The following LNPEP variants were observed in gnomAD, a reference collection of about 807,000 sequenced individuals.
The protein encoded by LNPEP is leucyl and cystinyl aminopeptidase.
LNPEP carries 64 observed loss-of-function variants against 120.6 expected under a neutral mutation model. The observed-to-expected ratio is 0.53, with a 90% CI of 0.43 to 0.65. LNPEP has a LOEUF of 0.65. Ranked by LOEUF, LNPEP falls within the 30% of genes least tolerant of loss-of-function variation. The probability of loss-of-function intolerance (pLI) is 0.00; values close to 1 mark genes in which losing one functional copy is unlikely to be tolerated. For synonymous variants in LNPEP, 435 were observed against 425.4 expected, an observed-to-expected ratio of 1.02 and a Z score of -0.28; for missense variants, 1,057 against 1,200.0, an observed-to-expected ratio of 0.88 and a Z score of 1.76.
rs1790251463 is a variant in LNPEP, at chr5:96,986,671, G to T, written c.1131+1G>T. ...GAGTCAGGACGTAAATGGAACCCTG[G>T]TATGTTGATGTGGTAATTGTCTGAA... On this transcript the variant is annotated splice_donor_variant, in intron 4 of 17. Transcript: ENST00000231368. LOFTEE classifies it high-confidence loss of function. The T allele has an allele frequency of 6.2e-7, 1 of 1,612,958 alleles. No homozygotes were observed. The highest frequency in any genetic ancestry group is 1.1e-5 in the South Asian group (1 of 91,006).
chr5:97,006,122 T>G lies in LNPEP; in HGVS notation c.1835T>G (p.Leu612Arg), dbSNP rs746613270. The G allele has an allele frequency of 1.3e-6, 2 of 1,593,054 alleles. No individual in the cohort carries two copies. The highest frequency in any genetic ancestry group is 2.3e-5 in the East Asian group (1 of 44,080). Residue 612 changes from leucine to arginine, a missense_variant, in exon 10 of 18, where the codon CTG (leucine) becomes CGG (arginine). Leu to Arg is a moderately radical substitution (Grantham distance 102). Coordinates refer to ENST00000231368, the MANE Select transcript of LNPEP (RefSeq NM_005575.3). Reference protein sequence around the residue: ...DVKRMMKTWTLQKGFPLVTVQ... With the variant: ...DVKRMMKTWTRQKGFPLVTVQ... ...AAGAGAATGATGAAAACCTGGACCC[T>G]GCAGAAAGGATTTCCTTTAGTGACT...
intron 1 of LNPEP, among the ~76,000 whole-genome samples, chr5:96,955,113 C>CA (rs1789431726): frequency 6.6e-6 from 1 of 151,520 alleles, no homozygotes. Context: ...TAAAGCAAAA[C>CA]AAAAAATGAC....
chr5:96,974,436 T>C lies in LNPEP; in HGVS notation c.20-4702T>C, dbSNP rs145834285. Among the ~76,000 whole-genome samples the C allele has an allele frequency of 2.3e-3, 345 of 152,302 alleles. 2 individuals are homozygous for C. The highest frequency in any genetic ancestry group is 8.0e-3 in the African/African-American group (334 of 41,582). ...ACACTCTCCCTGTCCCTCTGGATGC[T>C]ACGCCAGCATTTTCCCTCCCCTACT... On this transcript the variant is annotated intron_variant, in intron 1 of 17. Coordinates refer to ENST00000231368, the MANE Select transcript of LNPEP (RefSeq NM_005575.3).
At chr5:97,027,702 TC>T in intron 16 of LNPEP, 30 bp from the exon 17 acceptor site, 12 of 1,387,486 alleles carry the variant, frequency 8.6e-6, no homozygotes, top group South Asian at 1.2e-5. Flanking sequence ...AGCTGCCTAA[TC>T]TTTTTGCTCT....
At chr5:96,951,625 A>G (rs1789327241) in intron 1 of LNPEP, among the ~76,000 whole-genome samples, 2 of 152,216 alleles carry the variant, frequency 1.3e-5, no homozygotes, top group Admixed American at 6.5e-5. Flanking sequence ...CAACTGTATC[A>G]TAGGAGTCTT....
At chr5:97,023,199 A>G (rs1164501886) in intron 14 of LNPEP, among the ~76,000 whole-genome samples, 2 of 152,068 alleles carry the variant, frequency 1.3e-5, no homozygotes, top group African/African-American at 2.4e-5. Context: ...TTCATTTACC[A>G]TAACGTCTTC....
At chr5:96,993,420 G>T (rs894220278) in intron 5 of LNPEP, among the ~76,000 whole-genome samples, 5 of 152,160 alleles carry the variant, frequency 3.3e-5, no homozygotes, top group African/African-American at 1.2e-4. Flanking sequence ...TAACTTCCAA[G>T]AAATACCCTA....
chr5:97,033,817 G>A lies in LNPEP; in HGVS notation c.*5284G>A, dbSNP rs1013279424. 2.0e-5 allele frequency: 3 copies of A among 151,926 alleles called. No homozygotes were observed. Among genetic ancestry groups the A allele is most frequent in the Admixed American group, 2.0e-4 (3 of 15,250 alleles). 9.4% of individuals were successfully genotyped at this position (151,926 alleles called of 1,614,324 possible). On this transcript the variant is annotated 3_prime_UTR_variant, in exon 18 of 18. Transcript: ENST00000231368. The stretch of plus-strand genomic sequence containing the variant: ...TATTATAGTGTTTCATTGGGTACCC[G>A]GTCCTTCACTTGGATGTGTAGGTTC...
intron 1 of LNPEP, among the ~76,000 whole-genome samples, chr5:96,945,062 C>T (rs75025405): frequency 3.9e-5 from 6 of 151,932 alleles, no homozygotes; most frequent in South Asian, 4.2e-4. Context: ...CTTATCAGAA[C>T]GTAAAATGTG....
Position 96,972,842 on chromosome 5 carries a change from C to T in LNPEP, c.20-6296C>T, listed in dbSNP as rs571194512. ...GCTCGCTGATCTTCTCGCCTCCCAC[C>T]CTCAGTCATCCATTTACTTTTCTCT... On this transcript the variant is annotated intron_variant, in intron 1 of 17. Coordinates refer to ENST00000231368, the MANE Select transcript of LNPEP (RefSeq NM_005575.3). 2.0e-5 allele frequency among the ~76,000 whole-genome samples: 3 copies of T among 152,198 alleles called. No homozygotes were observed. The South Asian group carries it at 6.2e-4, about 32-fold the overall frequency.
intron 1 of LNPEP, among the ~76,000 whole-genome samples, chr5:96,966,031 A>C (rs117462621): frequency 0.014 from 2,130 of 152,216 alleles, 48 homozygotes; most frequent in East Asian, 0.07. Context: ...CTCCTTTTCA[A>C]CTAAAATGTT....
At chr5:97,028,005 A>T (rs10491386) in intron 17 of LNPEP, among the ~76,000 whole-genome samples, 191 bp downstream of exon 17, 5,716 of 152,262 alleles carry the variant, frequency 0.038, 186 homozygotes, top group Middle Eastern at 0.11. Flanking sequence ...TGAGGAAAAA[A>T]TCTGATTCCA....
Position 96,981,586 on chromosome 5 carries a change from G to A in LNPEP, c.860+1608G>A, listed in dbSNP as rs114970509. On this transcript the variant is annotated intron_variant, in intron 2 of 17. Transcript: ENST00000231368. ...ATAGTTAACGAGTACAAGGATTCCA[G>A]GGTCAATATTCTGATGGGAAGAGAT... Among the ~76,000 whole-genome samples the A allele has an allele frequency of 2.7e-3, 404 of 152,246 alleles. 4 individuals carry two copies. The highest frequency in any genetic ancestry group is 9.1e-3 in the African/African-American group (378 of 41,558).
chr5:96,996,615 T>G (rs527535601), intron 7 of LNPEP, 112 bp downstream of exon 7: 1 of 630,028 alleles, frequency 1.6e-6, no homozygotes, highest in Non-Finnish European at 2.8e-6. Context: ...TCTAGGAAGG[T>G]ATGCCAAACT....
chr5:96,963,972 A>G (rs897860826), intron 1 of LNPEP, among the ~76,000 whole-genome samples: 1 of 152,112 alleles, frequency 6.6e-6, no homozygotes, highest in African/African-American at 2.4e-5. Context: ...CTGCTGTGCA[A>G]TAGAACACCA....
intron 1 of LNPEP, among the ~76,000 whole-genome samples, chr5:96,950,987 G>A (rs1331938472): frequency 2.0e-5 from 3 of 152,152 alleles, no homozygotes; most frequent in African/African-American, 7.2e-5. Context: ...CAGTTCTGGA[G>A]GCTACTAGTC....
At position 97,006,253 on chromosome 5, in the gene LNPEP, T is replaced by C; in HGVS notation, c.1946+20T>C. ...TACAAGGTACATGCCCTCTTTCTTT[T>C]CATGCCATCTCTTTTGCACTCTCAG... is the stretch of plus-strand genomic sequence containing the variant. On this transcript the variant is annotated intron_variant, in intron 10 of 17. Transcript: ENST00000231368. The C allele has an allele frequency of 6.3e-7, 1 of 1,580,152 alleles. No individual in the cohort carries two copies. Among genetic ancestry groups the C allele is most frequent in the South Asian group, 1.2e-5 (1 of 85,698 alleles).
At chr5:96,989,770 T>G (rs1274085759) in intron 4 of LNPEP, among the ~76,000 whole-genome samples, 1 of 152,158 alleles carries the variant, frequency 6.6e-6, no homozygotes, top group Non-Finnish European at 1.5e-5. Flanking sequence ...AATGACCAGA[T>G]TATTTATCTC....
Position 97,013,664 on chromosome 5 carries a change from A to C in LNPEP, c.2052A>C (p.Thr684=). Residue 684 remains threonine (T), a synonymous_variant, in exon 12 of 18, where the codon ACA becomes ACC. Coordinates refer to ENST00000231368, the MANE Select transcript of LNPEP (RefSeq NM_005575.3). The part of the protein sequence containing the change: ...LDKKSGVINL[T]EEVLWVKVNI... ...TTCCATTAGGTGTCATCAATCTTAC[A>C]GAAGAAGTGCTGTGGGTCAAAGTGA... 6.5e-7 allele frequency: 1 copy of C among 1,544,196 alleles called. No homozygotes were observed. The highest frequency in any genetic ancestry group is 8.7e-7 in the Non-Finnish European group (1 of 1,145,110).
Sources: allele counts gnomAD v4.1 joint callset (sites outside exome capture counted in the v4.1 genomes callset), GRCh38; gene constraint gnomAD v4.1.1; transcripts MANE v1.5; gene names NCBI Gene and HGNC (gene_info 2026-07-23, HGNC 2026-07-21).